Variants in UVSSA observed in about 807,000 individuals in gnomAD.
The protein encoded by UVSSA is UV stimulated scaffold protein A.
Under a neutral mutation model 73.9 loss-of-function variants are expected in UVSSA, and 72 were observed. The observed-to-expected ratio is 0.97, with a 90% CI of 0.81 to 1.19. The LOEUF (loss-of-function observed/expected upper bound fraction) is 1.19. Among genes scored for constraint, UVSSA ranks in the 50% most tolerant of loss-of-function variants. UVSSA has a pLI of 0.00. For missense variants in UVSSA, 1,150 were observed against 965.0 expected (o/e 1.19, Z -2.54); for synonymous variants, 454 against 391.3 (o/e 1.16, Z -1.89).
chr4:1,349,785 G>C lies in UVSSA; in HGVS notation c.360G>C (p.Trp120Cys). 5.0e-6 allele frequency: 8 copies of C among 1,601,474 alleles called. No individual in the cohort carries two copies. Among genetic ancestry groups the C allele is most frequent in the Non-Finnish European group, 6.8e-6 (8 of 1,172,466 alleles). ...CGACCACCCGGGCCGTGGAAGGGTG[G>C]AATGAGAAGTTTGGGGAGGCCTACA... The part of the protein sequence containing the change: ...RQATTRAVEG[W>C]NEKFGEAYKK... Residue 120 changes from tryptophan (W) to cysteine (C), a missense_variant, in exon 3 of 14, where the codon TGG (tryptophan) becomes TGC (cysteine). Trp to Cys is a radical substitution (Grantham distance 215). Coordinates refer to ENST00000389851, the MANE Select transcript of UVSSA (RefSeq NM_020894.4).
At chr4:1,356,338 C>T (rs979471215) in intron 7 of UVSSA, among the ~76,000 whole-genome samples, 2 of 152,154 alleles carry the variant, frequency 1.3e-5, no homozygotes, top group African/African-American at 4.8e-5. Flanking sequence ...TTCCCCAGGT[C>T]AGTGGCCCCG....
chr4:1,367,067 G>A (rs952818135), intron 8 of UVSSA, among the ~76,000 whole-genome samples: 4 of 152,188 alleles, frequency 2.6e-5, no homozygotes, highest in South Asian at 2.1e-4. Context: ...GCTCCTCACC[G>A]CTGGTGATGC....
chr4:1,357,835 A>G (rs944337930), intron 7 of UVSSA: 1 of 152,200 alleles, frequency 6.6e-6, no homozygotes. Context: ...CAGGGATGCT[A>G]TATTCAGGGC....
chr4:1,348,040 G>A, intron 1 of UVSSA, 50 bp from the exon 2 acceptor site: 3 of 1,449,176 alleles, frequency 2.1e-6, no homozygotes, highest in East Asian at 2.3e-5. Context: ...AACACCGAGA[G>A]CTATAAAATA....
intron 7 of UVSSA, chr4:1,359,464 A>C (rs1165030574): frequency 6.6e-6 from 1 of 152,192 alleles, no homozygotes; most frequent in African/African-American, 2.4e-5. Flanking sequence ...ATCACCAATT[A>C]CTTTGTATTG....
chr4:1,377,217 C>G (rs1292089856), intron 10 of UVSSA, among the ~76,000 whole-genome samples: 2 of 152,198 alleles, frequency 1.3e-5, no homozygotes, highest in African/African-American at 4.8e-5. Flanking sequence ...GCCACTGCCT[C>G]TGTGTCTGGA....
exon 14 of UVSSA, chr4:1,394,452 T>C (rs562283816): frequency 2.4e-5 from 39 of 1,606,982 alleles, no homozygotes; most frequent in Non-Finnish European, 3.3e-5. Flanking sequence ...ATACAAAATG[T>C]GAGCCAGGAA....
chr4:1,346,013 G>A (rs1713638513), upstream of UVSSA, among the ~76,000 whole-genome samples: 1 of 152,182 alleles, frequency 6.6e-6, no homozygotes, highest in South Asian at 2.1e-4. Flanking sequence ...TGAAGCAAGA[G>A]GCAGGGTGAG....
intron 8 of UVSSA, among the ~76,000 whole-genome samples, chr4:1,373,725 G>A (rs1259459859): frequency 6.6e-6 from 1 of 152,156 alleles, no homozygotes; most frequent in Non-Finnish European, 1.5e-5. Flanking sequence ...TTTTAGAAGA[G>A]ACGAGGATGC....
At chr4:1,367,860 C>T (rs903692096) in intron 8 of UVSSA, among the ~76,000 whole-genome samples, 1 of 152,216 alleles carries the variant, frequency 6.6e-6, no homozygotes, top group Non-Finnish European at 1.5e-5. Flanking sequence ...CCACCCCACA[C>T]ACACTGTTCT....
upstream of UVSSA, among the ~76,000 whole-genome samples, chr4:1,344,473 C>A (rs1157587513): frequency 1.3e-5 from 2 of 152,118 alleles, no homozygotes; most frequent in Non-Finnish European, 2.9e-5. Context: ...ATCATTTGAA[C>A]CTGGGAGGCA....
At chr4:1,373,380 A>G (rs1560470239) in intron 8 of UVSSA, among the ~76,000 whole-genome samples, 1 of 152,108 alleles carries the variant, frequency 6.6e-6, no homozygotes, top group African/African-American at 2.4e-5. Flanking sequence ...CGTTTGCTTT[A>G]TATTCGTTGG....
intron 8 of UVSSA, among the ~76,000 whole-genome samples, chr4:1,368,828 G>A (rs1442903868): frequency 6.6e-6 from 1 of 152,258 alleles, no homozygotes; most frequent in African/African-American, 2.4e-5. Flanking sequence ...CTGGTCCAGG[G>A]AAGTGTGCAC....
rs563763967 is a variant in UVSSA, at chr4:1,355,127, G to A, written c.1058G>A (p.Arg353His). Residue 353 changes from arginine (R) to histidine (H), a missense_variant, in exon 7 of 14, where the codon CGC (arginine) becomes CAC (histidine). Transcript: ENST00000389851. ...AVCSWIQRFTRVGTHGGCLKR... is the reference protein window; with the variant it reads ...AVCSWIQRFTHVGTHGGCLKR... ...ACCCCCGTTTCGCAGCGCTTCACCC[G>A]CGTCGGGACCCACGGTGGATGTTTA... 32 of 1,613,556 alleles carry A rather than the reference G, an allele frequency of 2.0e-5. No homozygotes were observed. In the Admixed American group the frequency reaches 2.3e-4, roughly 12 times the overall value.
rs529154815 is a variant in UVSSA, at chr4:1,375,274, G to T, written c.1289-90G>T. On this transcript the variant is annotated intron_variant, in intron 8 of 13. Coordinates refer to ENST00000389851, the MANE Select transcript of UVSSA (RefSeq NM_020894.4). ...CTGTTGGAAGATGGAACACGCTAAC[G>T]CATAGGCGCGTCCTAACTGCCCGGT... 7.0e-6 allele frequency: 11 copies of T among 1,565,906 alleles called. No individual in the cohort carries two copies. In the African/African-American group the frequency reaches 1.2e-4, roughly 17 times the overall value.
chr4:1,354,785 G>A lies in UVSSA; in HGVS notation c.985G>A (p.Ala329Thr), dbSNP rs188017443. The change falls in exon 6 of 14, where the codon GCC becomes ACC. Residue 329 changes from alanine to threonine, a missense_variant. Physicochemically the swap from Ala to Thr is moderately conservative, Grantham distance 58. Coordinates refer to ENST00000389851, the MANE Select transcript of UVSSA (RefSeq NM_020894.4). ...NEDNLALIHA[A>T]RDTLKLIRNK... is the part of the protein sequence containing the mutation. ...GGACAACCTTGCTCTCATCCACGCC[G>A]CCCGCGACACACTCAAGCTCATCCG... The A allele has an allele frequency of 3.2e-5, 52 of 1,613,402 alleles. No individual in the cohort carries two copies. The highest frequency in any genetic ancestry group is 2.3e-4 in the South Asian group (21 of 91,064).
chr4:1,392,831 G>A (rs1720437745), downstream of UVSSA: 1 of 152,240 alleles, frequency 6.6e-6, no homozygotes, highest in African/African-American at 2.4e-5. Context: ...GATATTGAAT[G>A]TGGGTATTGA....
chr4:1,342,589 CAAT>C (rs1323820760), upstream of UVSSA, among the ~76,000 whole-genome samples: 1 of 152,072 alleles, frequency 6.6e-6, no homozygotes, highest in African/African-American at 2.4e-5. Context: ...TCCAGGGTTG[CAAT>C]AATATATCTT....
At chr4:1,395,535 G>T in exon 14 of UVSSA, 3 of 1,591,338 alleles carry the variant, frequency 1.9e-6, no homozygotes, top group Non-Finnish European at 2.6e-6. Context: ...TGGAGTGCCC[G>T]CCTGCTCACA....
Sources: gnomAD v4.1 joint callset for allele counts (sites outside exome capture counted in the v4.1 genomes callset) on GRCh38, gnomAD v4.1.1 for gene constraint, MANE v1.5 for transcripts, NCBI Gene and HGNC (gene_info 2026-07-23, HGNC 2026-07-21) for gene names.